The following PRKAR2B variants were observed in gnomAD, a reference collection of about 807,000 sequenced individuals.
PRKAR2B encodes protein kinase cAMP-dependent type II regulatory subunit beta.
Under a neutral mutation model 49.9 loss-of-function variants are expected in PRKAR2B, and 14 were observed. The ratio of observed to expected loss-of-function variants is 0.28; its 90% confidence interval spans 0.19 to 0.44. The LOEUF (loss-of-function observed/expected upper bound fraction) is 0.44. Among genes scored for constraint, PRKAR2B ranks in the 20% least tolerant of loss-of-function variants. The pLI, the probability that PRKAR2B is intolerant of heterozygous loss-of-function variation, is 1.00. For missense variants in PRKAR2B, 393 were observed against 537.9 expected (o/e 0.73, Z 2.67); for synonymous variants, 196 against 197.7 (o/e 0.99, Z 0.07).
chr7:107,122,547 T>C (rs1186777967), intron 3 of PRKAR2B, among the ~76,000 whole-genome samples: 2 of 152,232 alleles, frequency 1.3e-5, no homozygotes, highest in Non-Finnish European at 2.9e-5. Context: ...TCAGTTCTAC[T>C]ATTTATTTAG....
At chr7:107,099,508 T>C (rs2116811257) in intron 2 of PRKAR2B, among the ~76,000 whole-genome samples, 1 of 152,286 alleles carries the variant, frequency 6.6e-6, no homozygotes, top group East Asian at 1.9e-4. Flanking sequence ...CCGCACCCAC[T>C]GTCCGACAAG....
At chr7:107,098,459 C>G (rs998002862) in intron 2 of PRKAR2B, among the ~76,000 whole-genome samples, 2 of 152,150 alleles carry the variant, frequency 1.3e-5, no homozygotes, top group African/African-American at 4.8e-5. Context: ...TTCGAACATC[C>G]TCCTTTAGCT....
intron 2 of PRKAR2B, among the ~76,000 whole-genome samples, chr7:107,107,575 C>T (rs762027988): frequency 1.3e-5 from 2 of 151,884 alleles, no homozygotes; most frequent in Non-Finnish European, 2.9e-5. Context: ...AGCCTAAGTA[C>T]AGTTAGGGTG....
chr7:107,087,247 C>T (rs1296889819), intron 2 of PRKAR2B, among the ~76,000 whole-genome samples: 1 of 151,808 alleles, frequency 6.6e-6, no homozygotes, highest in Non-Finnish European at 1.5e-5. Context: ...TTTCATCCAT[C>T]AAATATGGAC....
rs115878034 is a variant in PRKAR2B, at chr7:107,045,195, G to T, written c.288G>T (p.Ala96=). The T allele has an allele frequency of 0.014, 19,922 of 1,459,478 alleles. 667 individuals carry two copies. The highest frequency in any genetic ancestry group is 0.12 in the African/African-American group (8,208 of 69,748). 90.4% of individuals were successfully genotyped at this position (1,459,478 alleles called of 1,614,324 possible). ...GGGAGGAGGAGGAGGCGGCGCCCGC[G>T]GACGCAGGGGCGTTCAATGGTGAGG... ...EDGEEEEAAP[A]DAGAFNAPVI... The change falls in exon 1 of 11, where the codon GCG becomes GCT. Residue 96 remains alanine, a synonymous_variant. Coordinates refer to ENST00000265717, the MANE Select transcript of PRKAR2B (RefSeq NM_002736.3).
intron 2 of PRKAR2B, among the ~76,000 whole-genome samples, chr7:107,102,695 G>T (rs977378909): frequency 2.6e-5 from 4 of 152,162 alleles, no homozygotes; most frequent in African/African-American, 9.7e-5. Flanking sequence ...GTTTGAGACA[G>T]AGCCTCGCTC....
chr7:107,101,135 A>ATTTTTTTTTTTT (rs950761298), intron 2 of PRKAR2B, among the ~76,000 whole-genome samples: 15 of 94,682 alleles, frequency 1.6e-4, no homozygotes, highest in Non-Finnish European at 2.3e-4. Context: ...GTTGTTGCTT[A>ATTTTTTTTTTTT]TTTTTTTTTT....
At chr7:107,049,009 C>A (rs1266169067) in intron 1 of PRKAR2B, among the ~76,000 whole-genome samples, 1 of 152,104 alleles carries the variant, frequency 6.6e-6, no homozygotes, top group Non-Finnish European at 1.5e-5. Flanking sequence ...TTTGACATGT[C>A]ATGTCTGAAA....
chr7:107,099,148 G>A (rs1474864798), intron 2 of PRKAR2B, among the ~76,000 whole-genome samples: 8 of 152,204 alleles, frequency 5.3e-5, no homozygotes, highest in Non-Finnish European at 4.4e-5. Context: ...GCCTCCTTGA[G>A]CTGCGGTGGG....
At chr7:107,151,198 A>G (rs999237135) in intron 7 of PRKAR2B, among the ~76,000 whole-genome samples, 175 bp downstream of exon 7, 1 of 152,204 alleles carries the variant, frequency 6.6e-6, no homozygotes, top group Non-Finnish European at 1.5e-5. Context: ...TCTGCTATCT[A>G]TAATTTCATT....
At chr7:107,145,115 A>G (rs1432986490) in intron 5 of PRKAR2B, among the ~76,000 whole-genome samples, 1 of 152,180 alleles carries the variant, frequency 6.6e-6, no homozygotes, top group African/African-American at 2.4e-5. Flanking sequence ...CTGAATTTCT[A>G]CTTTTTAACT....
chr7:107,143,696 T>C (rs1795830933), intron 5 of PRKAR2B, among the ~76,000 whole-genome samples: 1 of 152,086 alleles, frequency 6.6e-6, no homozygotes, highest in Admixed American at 6.5e-5. Flanking sequence ...CATGGGTGGT[T>C]GAGATAATGA....
intron 9 of PRKAR2B, 39 bp from the exon 10 acceptor site, chr7:107,157,147 A>G: frequency 6.2e-7 from 1 of 1,607,724 alleles, no homozygotes; most frequent in Non-Finnish European, 8.5e-7. Flanking sequence ...TATTTTTCAT[A>G]AGCTGAGGAA....
chr7:107,054,561 C>T (rs181336071), intron 1 of PRKAR2B, among the ~76,000 whole-genome samples: 96 of 152,154 alleles, frequency 6.3e-4, no homozygotes, highest in African/African-American at 2.2e-3. Context: ...CCCTCCTTGA[C>T]GTTAATACTA....
rs987773584 is a variant in PRKAR2B, at chr7:107,088,319, A to G, written c.343+18003A>G. Among the ~76,000 whole-genome samples the G allele has an allele frequency of 5.3e-5, 8 of 152,240 alleles. No individual in the cohort carries two copies. The South Asian group carries it at 1.2e-3, about 24-fold the overall frequency. ...TTTATTTATCTAGTGAGTGATGCCT[A>G]GCACCTATTTACATGGTCAGAGAAT... On this transcript the variant is annotated intron_variant, in intron 2 of 10. Transcript: ENST00000265717.
intron 2 of PRKAR2B, among the ~76,000 whole-genome samples, chr7:107,088,056 G>A (rs373146340): frequency 2.0e-5 from 3 of 152,180 alleles, no homozygotes; most frequent in African/African-American, 4.8e-5. Context: ...ACAGTATGTC[G>A]TGTAATTCTC....
intron 2 of PRKAR2B, among the ~76,000 whole-genome samples, chr7:107,113,276 G>A (rs137990301): frequency 2.0e-5 from 3 of 152,206 alleles, no homozygotes; most frequent in African/African-American, 7.2e-5. Context: ...GTGATTCAAG[G>A]TCTCAGGCCA....
At chr7:107,071,590 G>T (rs1794278311) in intron 2 of PRKAR2B, among the ~76,000 whole-genome samples, 1 of 152,158 alleles carries the variant, frequency 6.6e-6, no homozygotes. Flanking sequence ...TATGAGCAGT[G>T]GTGGGAATAG....
At chr7:107,061,377 C>T (rs1002411397) in intron 1 of PRKAR2B, among the ~76,000 whole-genome samples, 6 of 152,098 alleles carry the variant, frequency 3.9e-5, no homozygotes, top group Non-Finnish European at 5.9e-5. Context: ...CATGATATAT[C>T]TCCCTTTATT....
Sources: gnomAD v4.1 joint callset for allele counts (sites outside exome capture counted in the v4.1 genomes callset) on GRCh38, gnomAD v4.1.1 for gene constraint, MANE v1.5 for transcripts, NCBI Gene and HGNC (gene_info 2026-07-23, HGNC 2026-07-21) for gene names.